Variants in TRPM3 observed in about 807,000 individuals in gnomAD.
The protein encoded by TRPM3 is transient receptor potential cation channel subfamily M member 3.
In TRPM3, 77 loss-of-function variants were observed where a neutral mutation model predicts 181.2. The ratio of observed to expected loss-of-function variants is 0.42; its 90% confidence interval spans 0.35 to 0.51. The LOEUF (loss-of-function observed/expected upper bound fraction) is 0.51. Ranked by LOEUF, TRPM3 falls within the 20% of genes least tolerant of loss-of-function variation. TRPM3 has a pLI of 0.01. For missense variants in TRPM3, 1,759 were observed against 2,196.7 expected, an observed-to-expected ratio of 0.80 and a Z score of 3.98; for synonymous variants, 745 against 796.4, an observed-to-expected ratio of 0.94 and a Z score of 1.09.
At chr9:71,418,813 C>CACTATATA (rs1554895520) in intron 1 of TRPM3, among the ~76,000 whole-genome samples, 1 of 113,156 alleles carries the variant, frequency 8.8e-6, no homozygotes, top group Non-Finnish European at 1.9e-5. Context: ...TATATATATA[C>CACTATATA]TATATATATA....
intron 1 of TRPM3, among the ~76,000 whole-genome samples, chr9:71,033,576 G>T (rs1458955018): frequency 6.6e-6 from 1 of 152,088 alleles, no homozygotes; most frequent in South Asian, 2.1e-4. Flanking sequence ...ATTTACCCAA[G>T]TTTTGGTGAA....
chr9:70,978,574 T>C (rs1456709322), intron 1 of TRPM3, among the ~76,000 whole-genome samples: 1 of 152,224 alleles, frequency 6.6e-6, no homozygotes, highest in African/African-American at 2.4e-5. Context: ...CCATTGAAGT[T>C]ATTTCCGATG....
rs562651052 is a variant in TRPM3 at position 71,409,091 on chromosome 9, A to G, written c.183+37562T>C. Among the ~76,000 whole-genome samples, 16 of 152,274 alleles carry G rather than the reference A, an allele frequency of 1.1e-4. No homozygotes were observed. The South Asian group carries it at 3.3e-3, about 32-fold the overall frequency. ...TTTGTCACCACCAGGCATGCCCTAT[A>G]AGAGCTCTTGAAGGAAGCACTAAAC... On this transcript the variant is annotated intron_variant, in intron 1 of 24. Coordinates refer to the TRPM3 transcript ENST00000357533.
chr9:71,052,861 A>T (rs2060212357), intron 1 of TRPM3, among the ~76,000 whole-genome samples: 1 of 152,100 alleles, frequency 6.6e-6, no homozygotes, highest in Admixed American at 6.6e-5. Flanking sequence ...AAAGTCAAAG[A>T]ACAGGAGTCC....
chr9:71,386,083 G>C (rs185296935), intron 1 of TRPM3, among the ~76,000 whole-genome samples: 1 of 152,204 alleles, frequency 6.6e-6, no homozygotes, highest in Non-Finnish European at 1.5e-5. Flanking sequence ...GCAAAGAATA[G>C]AGTTAAGAAT....
At chr9:70,683,428 C>CGTTTT (rs2065960510) in intron 8 of TRPM3, among the ~76,000 whole-genome samples, 3 of 57,458 alleles carry the variant, frequency 5.2e-5, no homozygotes. Flanking sequence ...TCTCTCTCTC[C>CGTTTT]TTTTTTTTTT....
intron 1 of TRPM3, among the ~76,000 whole-genome samples, chr9:71,383,580 C>T (rs1259842577): frequency 6.6e-6 from 1 of 152,170 alleles, no homozygotes; most frequent in Non-Finnish European, 1.5e-5. Context: ...GCTACTATTT[C>T]AGGTTCTGGG....
rs530934296 is a variant in TRPM3, at chr9:70,916,265, A to T, written c.178-51754T>A. ...TGCCAGGGGAATAAGTCAATCAGAAAGAAAGGGACATTAATGAGCAATAAG... is the reference window on the plus strand; with the variant it reads ...TGCCAGGGGAATAAGTCAATCAGAATGAAAGGGACATTAATGAGCAATAAG... On this transcript the variant is annotated intron_variant, in intron 1 of 25. Coordinates refer to ENST00000677713, the MANE Select transcript of TRPM3 (RefSeq NM_001366145.2). Among the ~76,000 whole-genome samples the T allele has an allele frequency of 5.9e-5, 9 of 152,374 alleles. No homozygotes were observed. The South Asian group carries it at 1.9e-3, about 32-fold the overall frequency.
chr9:70,999,802 A>G (rs571058892), intron 1 of TRPM3, among the ~76,000 whole-genome samples: 1 of 152,002 alleles, frequency 6.6e-6, no homozygotes, highest in Admixed American at 6.5e-5. Flanking sequence ...CAGTCCTCCT[A>G]CAGGCCATCT....
At chr9:71,301,248 C>A (rs907636112) in intron 1 of TRPM3, among the ~76,000 whole-genome samples, 1 of 152,140 alleles carries the variant, frequency 6.6e-6, no homozygotes, top group Non-Finnish European at 1.5e-5. Context: ...TGTCCAAGAG[C>A]ACCCAAAGAA....
At position 71,138,128 on chromosome 9, in the gene TRPM3, G is replaced by GA. The variant is rs564021762; in HGVS notation, c.184-273618dup. The stretch of plus-strand genomic sequence containing the variant: ...GACTCTGTCTCAAAAAAGAAAAAAA[G>GA]AAAAAAAAAAGACGATGCTGCCTTG... On this transcript the variant is annotated intron_variant, in intron 1 of 24. Transcript: ENST00000357533. Among the ~76,000 whole-genome samples the GA allele has an allele frequency of 5.0e-4, 73 of 145,088 alleles. No homozygotes were observed. In the South Asian group the frequency reaches 6.9e-3, roughly 14 times the overall value.
intron 1 of TRPM3, among the ~76,000 whole-genome samples, chr9:71,431,272 T>C (rs2093950063): frequency 6.6e-6 from 1 of 152,194 alleles, no homozygotes; most frequent in Admixed American, 6.5e-5. Context: ...TGGTTTTGAT[T>C]GACATCACAT....
At chr9:71,263,326 T>C (rs2083187325) in intron 1 of TRPM3, among the ~76,000 whole-genome samples, 1 of 152,194 alleles carries the variant, frequency 6.6e-6, no homozygotes, top group African/African-American at 2.4e-5. Flanking sequence ...TTCATTTAAT[T>C]TCACAAAGAT....
At chr9:71,114,681 G>A (rs2071913524) in intron 1 of TRPM3, among the ~76,000 whole-genome samples, 1 of 152,128 alleles carries the variant, frequency 6.6e-6, no homozygotes, top group Non-Finnish European at 1.5e-5. Context: ...TTGCCCCAAA[G>A]TGAACTGGCC....
chr9:71,372,898 C>G lies in TRPM3; in HGVS notation c.183+73755G>C, dbSNP rs1406753757. Among the ~76,000 whole-genome samples the G allele has an allele frequency of 2.0e-5, 3 of 151,986 alleles. No individual in the cohort carries two copies. The East Asian group carries it at 5.8e-4, about 29-fold the overall frequency. On this transcript the variant is annotated intron_variant, in intron 1 of 24. Transcript: ENST00000357533. ...GAAGTAAAACACTCCTCAGCAAATG[C>G]AAAAGAACTGAAATAATAAACAGTC...
rs148075895 is a variant in TRPM3 at position 70,698,290 on chromosome 9, G to A, written c.1273-16712C>T. ...TTCTCCATGTAACAGCAGAGTTTTG[G>A]AGCAAGCAGCCTCTGGAGTCAATTT... On this transcript the variant is annotated intron_variant, in intron 8 of 25. Transcript: ENST00000677713. 3.4e-4 allele frequency among the ~76,000 whole-genome samples: 51 copies of A among 152,088 alleles called. 1 individual carries two copies. The highest frequency in any genetic ancestry group is 1.1e-3 in the African/African-American group (46 of 41,504).
At chr9:71,277,111 A>G (rs73648000) in intron 1 of TRPM3, among the ~76,000 whole-genome samples, 4,394 of 150,032 alleles carry the variant, frequency 0.029, 120 homozygotes, top group East Asian at 0.076. Context: ...AGTAATATTT[A>G]GGAATTCCAA....
At chr9:71,334,579 A>T (rs896534695) in intron 1 of TRPM3, among the ~76,000 whole-genome samples, 8 of 152,162 alleles carry the variant, frequency 5.3e-5, no homozygotes, top group Non-Finnish European at 1.2e-4. Context: ...TAAGAGAATG[A>T]ATCCCAAATA....
intron 1 of TRPM3, among the ~76,000 whole-genome samples, chr9:70,877,544 T>A (rs2095889834): frequency 6.6e-6 from 1 of 151,942 alleles, no homozygotes; most frequent in South Asian, 2.1e-4. Flanking sequence ...TATTTGATAA[T>A]GTGATTTATT....
Sources: allele counts gnomAD v4.1 joint callset (sites outside exome capture counted in the v4.1 genomes callset), GRCh38; gene constraint gnomAD v4.1.1; transcripts MANE v1.5; gene names NCBI Gene and HGNC (gene_info 2026-07-23, HGNC 2026-07-21).